Variants in EMP2 observed in about 807,000 individuals in gnomAD.
The protein encoded by EMP2 is epithelial membrane protein 2.
A neutral mutation model predicts 13.7 loss-of-function variants in EMP2; 19 were observed. The observed-to-expected ratio is 1.38, with a 90% confidence interval of 0.97 to 2.03. EMP2 has a LOEUF of 2.03. Among genes scored for constraint, EMP2 ranks in the 30% most tolerant of loss-of-function variants. The probability of loss-of-function intolerance (pLI) is 0.00; values close to 1 mark genes in which losing one functional copy is unlikely to be tolerated. For synonymous variants in EMP2, 97 were observed against 84.7 expected, an observed-to-expected ratio of 1.15 and a Z score of -0.80; for missense variants, 253 against 220.7, an observed-to-expected ratio of 1.15 and a Z score of -0.93.
intron 1 of EMP2, among the ~76,000 whole-genome samples, chr16:10,563,904 G>T (rs1042343933): frequency 1.3e-5 from 2 of 152,216 alleles, no homozygotes; most frequent in Admixed American, 6.5e-5. Flanking sequence ...GGGCAGGCGA[G>T]CCCCCAAATT....
rs1315247181 is a variant in EMP2 at position 10,560,617 on chromosome 16, C to T, written c.-60-12940G>A. Among the ~76,000 whole-genome samples the T allele has an allele frequency of 3.3e-5, 5 of 152,290 alleles. No homozygotes were observed. In the South Asian group the frequency reaches 6.2e-4, roughly 19 times the overall value. On this transcript the variant is annotated intron_variant, in intron 1 of 4. Transcript: ENST00000359543. ...TCTGTGTGCCCTGGGGCTGCCGGGT[C>T]CCTAAAGGGCAAGGGTGTGTAAACG...
At chr16:10,533,237 C>T in intron 4 of EMP2, 145 bp from the exon 5 acceptor site, 1 of 807,838 alleles carries the variant, frequency 1.2e-6, no homozygotes, top group Non-Finnish European at 1.7e-6. Flanking sequence ...AAGATTTTGC[C>T]ATGTCACCCA....
intron 4 of EMP2, among the ~76,000 whole-genome samples, chr16:10,536,846 C>A (rs2050650596): frequency 6.6e-6 from 1 of 152,108 alleles, no homozygotes; most frequent in Admixed American, 6.6e-5. Flanking sequence ...GTCTTGAACT[C>A]CTGGGCTCAA....
At chr16:10,534,537 G>C (rs766293663) in intron 4 of EMP2, among the ~76,000 whole-genome samples, 3 of 151,990 alleles carry the variant, frequency 2.0e-5, no homozygotes, top group Admixed American at 6.6e-5. Flanking sequence ...AGGTTGAAGC[G>C]GGCAGATCAC....
intron 1 of EMP2, among the ~76,000 whole-genome samples, chr16:10,575,377 C>T (rs1238850371): frequency 6.7e-6 from 1 of 149,938 alleles, no homozygotes; most frequent in Admixed American, 6.7e-5. Flanking sequence ...CCTCAGCCTC[C>T]CAAGTAGCTG....
chr16:10,564,151 T>C (rs1367166859), intron 1 of EMP2, among the ~76,000 whole-genome samples: 1 of 152,164 alleles, frequency 6.6e-6, no homozygotes, highest in Admixed American at 6.5e-5. Flanking sequence ...CATCAGGCAG[T>C]TGCCATGGAA....
rs1208862918 is a variant in EMP2 at position 10,529,171 on chromosome 16, T to G, written c.*3734A>C. ...TCAATGAAAGAATTACAGTACTTTA[T>G]AAAAATGTCATAAAATGCGCAAACT... is the stretch of plus-strand genomic sequence containing the variant. On this transcript the variant is annotated 3_prime_UTR_variant, in exon 5 of 5. Coordinates refer to ENST00000359543, the MANE Select transcript of EMP2 (RefSeq NM_001424.6). 1 of 152,218 alleles carries G rather than the reference T, an allele frequency of 6.6e-6. No homozygotes were observed. The highest frequency in any genetic ancestry group is 1.5e-5 in the Non-Finnish European group (1 of 68,040). The allele number at this position is 152,218 out of a possible 1,614,324, so 9.4% of individuals were successfully genotyped here. A position where few individuals can be genotyped will look rare whatever the true frequency, so the allele number is the denominator to read the frequency against.
At chr16:10,576,538 G>C (rs1017211227) in intron 1 of EMP2, 9 of 151,688 alleles carry the variant, frequency 5.9e-5, no homozygotes, top group Non-Finnish European at 8.8e-5. Flanking sequence ...GATTTCTCAG[G>C]ACAATCATGG....
intron 1 of EMP2, chr16:10,576,350 T>C (rs576652420): frequency 6.6e-6 from 1 of 152,280 alleles, no homozygotes; most frequent in South Asian, 2.1e-4. Context: ...TCATTGCATT[T>C]TGAGGAAAGA....
At position 10,530,347 on chromosome 16, in the gene EMP2, C is replaced by T. The variant is rs2050588574; in HGVS notation, c.*2558G>A. ...GAAAGAGCAGATGGAAAGAGCCAAT[C>T]CTGCATTGAAGAGATATCCATGGTG... On this transcript the variant is annotated 3_prime_UTR_variant, in exon 5 of 5. Coordinates refer to ENST00000359543, the MANE Select transcript of EMP2 (RefSeq NM_001424.6). 6.6e-6 allele frequency: 1 copy of T among 152,478 alleles called. No individual in the cohort carries two copies. 9.4% of individuals were successfully genotyped at this position (152,478 alleles called of 1,614,324 possible).
chr16:10,577,804 A>G (rs982431125), intron 1 of EMP2, among the ~76,000 whole-genome samples: 1 of 149,058 alleles, frequency 6.7e-6, no homozygotes, highest in Non-Finnish European at 1.5e-5. Flanking sequence ...GCCCCACCCC[A>G]CCTTTGGGTA....
rs2050614313 is a variant in EMP2, at chr16:10,532,751, CTTTTTTCTTTT to C, written c.*143_*153del. On this transcript the variant is annotated 3_prime_UTR_variant, in exon 5 of 5. Transcript: ENST00000359543. ...CTTCTCTCTTTTGGATTTTTTTTTT[CTTTTTTCTTTT>C]TTTTTTTTTTTTTTTTTTTTTTTTG... 1 of 199,580 alleles carries C rather than the reference CTTTTTTCTTTT, an allele frequency of 5.0e-6. No individual in the cohort carries two copies. The highest frequency in any genetic ancestry group is 7.2e-5 in the African/African-American group (1 of 13,812). The allele number at this position is 199,580 out of a possible 1,614,324, so 12.4% of individuals were successfully genotyped here. A position where few individuals can be genotyped will look rare whatever the true frequency, so the allele number is the denominator to read the frequency against.
At chr16:10,562,505 C>A (rs1399716796) in intron 1 of EMP2, among the ~76,000 whole-genome samples, 2 of 152,110 alleles carry the variant, frequency 1.3e-5, no homozygotes, top group Non-Finnish European at 2.9e-5. Context: ...GAAGGACACC[C>A]TAGACCAGCC....
At chr16:10,544,013 C>T (rs2050720864) in intron 2 of EMP2, among the ~76,000 whole-genome samples, 1 of 152,024 alleles carries the variant, frequency 6.6e-6, no homozygotes, top group South Asian at 2.1e-4. Context: ...GTGCACATCA[C>T]CACGCCTACT....
chr16:10,556,995 C>T (rs556172203), intron 1 of EMP2, among the ~76,000 whole-genome samples: 1 of 152,196 alleles, frequency 6.6e-6, no homozygotes, highest in Admixed American at 6.5e-5. Flanking sequence ...AAGGCAACCT[C>T]TCTCTGCACT....
Position 10,530,701 on chromosome 16 carries a change from T to C in EMP2, c.*2204A>G, listed in dbSNP as rs1405096572. 6 of 152,326 alleles carry C rather than the reference T, an allele frequency of 3.9e-5. No homozygotes were observed. The highest frequency in any genetic ancestry group is 1.4e-4 in the African/African-American group (6 of 41,414). 9.4% of individuals were successfully genotyped at this position (152,326 alleles called of 1,614,324 possible). A position where few individuals can be genotyped will look rare whatever the true frequency, so the allele number is the denominator to read the frequency against. On this transcript the variant is annotated 3_prime_UTR_variant, in exon 5 of 5. Transcript: ENST00000359543. Reference sequence around the variant, plus strand: ...CTGGAAATCATTCACCCAGACCCTCTGAATCAGCCTGTCCCAAGCAGCACG... The same window carrying C: ...CTGGAAATCATTCACCCAGACCCTCCGAATCAGCCTGTCCCAAGCAGCACG...
At chr16:10,569,554 A>C (rs2050932586) in intron 1 of EMP2, among the ~76,000 whole-genome samples, 1 of 152,102 alleles carries the variant, frequency 6.6e-6, no homozygotes, top group South Asian at 2.1e-4. Flanking sequence ...TCCTGGGCTC[A>C]AGTGATCCTC....
At chr16:10,576,690 C>T (rs1171531671) in intron 1 of EMP2, 1 of 152,148 alleles carries the variant, frequency 6.6e-6, no homozygotes, top group East Asian at 1.9e-4. Context: ...CCTTTTAGAT[C>T]AACAGAAGCC....
At chr16:10,547,192 G>A (rs770345641) in intron 2 of EMP2, 2 of 185,412 alleles carry the variant, frequency 1.1e-5, no homozygotes, top group South Asian at 1.5e-4. Flanking sequence ...CCCACATGTC[G>A]TGGGAGGGAC....
Sources: allele counts gnomAD v4.1 joint callset (sites outside exome capture counted in the v4.1 genomes callset), GRCh38; gene constraint gnomAD v4.1.1; transcripts MANE v1.5; gene names NCBI Gene and HGNC (gene_info 2026-07-23, HGNC 2026-07-21).